PRKAR1B: variants seen among roughly 807,000 people sequenced by gnomAD.
The protein encoded by PRKAR1B is cAMP-dependent protein kinase type I-beta regulatory subunit.
PRKAR1B carries 22 observed loss-of-function variants against 46.5 expected under a neutral mutation model. That is an observed-to-expected ratio of 0.47 (90% CI 0.34 to 0.68). The LOEUF (loss-of-function observed/expected upper bound fraction) is 0.68. Ranked by LOEUF, PRKAR1B falls within the 30% of genes least tolerant of loss-of-function variation. The probability of loss-of-function intolerance (pLI) is 0.01; values close to 1 mark genes in which losing one functional copy is unlikely to be tolerated. For missense variants in PRKAR1B, 445 were observed against 535.6 expected, an observed-to-expected ratio of 0.83 and a Z score of 1.67; for synonymous variants, 259 against 217.7, an observed-to-expected ratio of 1.19 and a Z score of -1.67.
At chr7:728,417 G>T (rs900376021), upstream of PRKAR1B, among the ~76,000 whole-genome samples, 3 of 152,214 alleles carry the variant, frequency 2.0e-5, no homozygotes, top group Non-Finnish European at 2.9e-5. Context: ...CCGAGTTCAG[G>T]TTGTTAAAAG....
At chr7:608,503 T>C (rs902085922) in intron 4 of PRKAR1B, 1 of 152,410 alleles carries the variant, frequency 6.6e-6, no homozygotes, top group African/African-American at 2.4e-5. Flanking sequence ...TTTCTCTCTA[T>C]TTAAGAAGTG....
In PRKAR1B at chr7:629,395, G is replaced by A. The variant is rs1172016881; in HGVS notation, c.441-21943C>T. 3.3e-4 allele frequency among the ~76,000 whole-genome samples: 40 copies of A among 122,104 alleles called. 4 individuals are homozygous for A. Among genetic ancestry groups the A allele is most frequent in the East Asian group, 7.6e-4 (3 of 3,964 alleles). 80.1% of individuals were successfully genotyped at this position (122,104 alleles called of 152,430 possible). A position where few individuals can be genotyped will look rare whatever the true frequency, so the allele number is the denominator to read the frequency against. ...CTGCAGAAGCGGGACCACGGCCTCC[G>A]AGGGCGCCACCACCCCAAGGCTGGA... On this transcript the variant is annotated intron_variant, in intron 4 of 10. Coordinates refer to ENST00000537384, the MANE Select transcript of PRKAR1B (RefSeq NM_001164760.2).
intron 4 of PRKAR1B, among the ~76,000 whole-genome samples, chr7:648,312 A>G (rs769045658): frequency 3.3e-5 from 5 of 151,908 alleles, no homozygotes; most frequent in Non-Finnish European, 5.9e-5. Context: ...AACATAGCCA[A>G]TGAAATATAA....
intron 6 of PRKAR1B, among the ~76,000 whole-genome samples, chr7:603,476 GCCACAACCTCCC>G (rs1781766426): frequency 6.6e-6 from 1 of 152,162 alleles, no homozygotes; most frequent in Non-Finnish European, 1.5e-5. Context: ...CCCCCATTAA[GCCACAACCTCCC>G]CCACACCAGA....
chr7:677,129 G>A, intron 4 of PRKAR1B, 100 bp downstream of exon 4: 1 of 1,146,446 alleles, frequency 8.7e-7, no homozygotes, highest in Non-Finnish European at 1.3e-6. Context: ...GGAGGCCAGG[G>A]AGGGAGGCAG....
At chr7:573,773 G>C (rs538295501) in intron 9 of PRKAR1B, among the ~76,000 whole-genome samples, 2 of 152,236 alleles carry the variant, frequency 1.3e-5, no homozygotes, top group Non-Finnish European at 1.5e-5. Context: ...GCAAGACTGG[G>C]ATCGCGGAGT....
intron 9 of PRKAR1B, among the ~76,000 whole-genome samples, chr7:564,163 C>T (rs951238835): frequency 2.0e-5 from 3 of 152,158 alleles, no homozygotes; most frequent in Non-Finnish European, 4.4e-5. Flanking sequence ...TGGCCCTCAG[C>T]CCAGTGGGCC....
chr7:581,954 A>T (rs997546315), intron 8 of PRKAR1B, among the ~76,000 whole-genome samples: 1 of 152,212 alleles, frequency 6.6e-6, no homozygotes, highest in East Asian at 1.9e-4. Context: ...CATGGCCTCA[A>T]GTGATCCTCC....
At chr7:677,078 G>T in intron 4 of PRKAR1B, 151 bp downstream of exon 4, 1 of 746,380 alleles carries the variant, frequency 1.3e-6, no homozygotes, top group Non-Finnish European at 2.3e-6. Context: ...GGAGAAGGCA[G>T]CTGTGATTCC....
intron 9 of PRKAR1B, among the ~76,000 whole-genome samples, chr7:571,418 G>C (rs1407124875): frequency 2.0e-5 from 3 of 152,240 alleles, no homozygotes; most frequent in Non-Finnish European, 4.4e-5. Context: ...CCCTGGTTCA[G>C]GCGTCGGCGG....
chr7:617,142 C>T lies in PRKAR1B; in HGVS notation c.441-9690G>A, dbSNP rs1055522023. Among the ~76,000 whole-genome samples the T allele has an allele frequency of 8.6e-5, 13 of 151,754 alleles. No individual in the cohort carries two copies. The East Asian group carries it at 9.7e-4, about 11-fold the overall frequency. On this transcript the variant is annotated intron_variant, in intron 4 of 10. Coordinates refer to ENST00000537384, the MANE Select transcript of PRKAR1B (RefSeq NM_001164760.2). ...CCGAGTAGCTGGGATTACAAGCACACACTGCCATGCCCAGCTAATTTTTGT... is the reference window on the plus strand; with the variant it reads ...CCGAGTAGCTGGGATTACAAGCACATACTGCCATGCCCAGCTAATTTTTGT...
intron 4 of PRKAR1B, among the ~76,000 whole-genome samples, chr7:658,675 G>C (rs527442179): frequency 6.6e-6 from 1 of 152,160 alleles, no homozygotes; most frequent in East Asian, 1.9e-4. Context: ...TTTTGAGATA[G>C]AGTCTTACTC....
At chr7:694,675 A>C (rs377055790) in intron 2 of PRKAR1B, among the ~76,000 whole-genome samples, 1 of 152,140 alleles carries the variant, frequency 6.6e-6, no homozygotes, top group African/African-American at 2.4e-5. Flanking sequence ...ACGTGTTCCC[A>C]AGATGATGTC....
rs77909609 is a variant in PRKAR1B, at chr7:713,485, G to A, written c.-22-1958C>T. On this transcript the variant is annotated intron_variant, in intron 1 of 10. Transcript: ENST00000537384. ...CGTACACACCATCTCCCACTCACCC[G>A]TCTCTTGCTCACCTTTTCCACACTC... Among the ~76,000 whole-genome samples the A allele has an allele frequency of 2.9e-3, 433 of 151,522 alleles. 2 individuals are homozygous for A. Among genetic ancestry groups the A allele is most frequent in the African/African-American group, 9.5e-3 (392 of 41,206 alleles).
Position 550,598 on chromosome 7 carries a change from C to A in PRKAR1B, c.978G>T (p.Glu326Asp). 6.3e-7 allele frequency: 1 copy of A among 1,576,444 alleles called. No homozygotes were observed. Residue 326 changes from glutamate (E) to aspartate (D), a missense_variant, in exon 11 of 11, where the codon GAG becomes GAT. Glu to Asp is a conservative substitution (Grantham distance 45). This residue lies in a region of PRKAR1B where 127 missense variants were observed against 138.0 expected (regional missense o/e 0.92). Transcript: ENST00000537384. ...GGGGCCGGTTCAGCAGCAGTGCAAT[C>A]TCCCCTGGGGGTTGAAGAGAGAGGT... ...GRLGPSDYFG[E>D]IALLLNRPRA...
At chr7:573,739 C>T (rs906225216) in intron 9 of PRKAR1B, among the ~76,000 whole-genome samples, 12 of 152,310 alleles carry the variant, frequency 7.9e-5, no homozygotes, top group African/African-American at 2.4e-5. Context: ...GGTCAGAAAG[C>T]GGAAAACACT....
At chr7:680,534 C>A (rs934983486) in intron 3 of PRKAR1B, 22 bp downstream of exon 3, 1 of 1,593,810 alleles carries the variant, frequency 6.3e-7, no homozygotes, top group Non-Finnish European at 8.5e-7. Flanking sequence ...GGGACAGGAA[C>A]CCCGTGACCC....
intron 2 of PRKAR1B, among the ~76,000 whole-genome samples, chr7:710,867 C>A (rs970935769): frequency 2.0e-5 from 3 of 152,110 alleles, no homozygotes; most frequent in Non-Finnish European, 4.4e-5. Flanking sequence ...TGGTCTCGAA[C>A]TCCTGACCTC....
chr7:619,842 GTTTT>G (rs201734845), intron 4 of PRKAR1B, among the ~76,000 whole-genome samples: 2,527 of 151,922 alleles, frequency 0.017, 65 homozygotes, highest in African/African-American at 0.057. Context: ...CTGTTGTTTT[GTTTT>G]TTGTTTTGTT....
Sources: gnomAD v4.1 joint callset for allele counts (sites outside exome capture counted in the v4.1 genomes callset) on GRCh38, gnomAD v4.1.1 for gene constraint, gnomAD v4.1.1 regional missense constraint, MANE v1.5 for transcripts, NCBI Gene and HGNC (gene_info 2026-07-23, HGNC 2026-07-21) for gene names.